PLXDC2: variants seen among roughly 807,000 people sequenced by gnomAD.
PLXDC2 encodes plexin domain-containing protein 2.
In PLXDC2, 40 loss-of-function variants were observed where a neutral mutation model predicts 68.9. The observed-to-expected ratio is 0.58, with a 90% CI of 0.45 to 0.76. The LOEUF is 0.76. PLXDC2 is among the 30% of genes least tolerant of loss of function. The probability of loss-of-function intolerance (pLI) is 0.00; values close to 1 mark genes in which losing one functional copy is unlikely to be tolerated. For synonymous variants in PLXDC2, 243 were observed against 234.2 expected, an observed-to-expected ratio of 1.04 and a Z score of -0.34; for missense variants, 644 against 661.9, an observed-to-expected ratio of 0.97 and a Z score of 0.30.
chr10:19,850,205 C>T (rs1441746688), intron 1 of PLXDC2, among the ~76,000 whole-genome samples: 1 of 151,924 alleles, frequency 6.6e-6, no homozygotes, highest in Non-Finnish European at 1.5e-5. Context: ...TGTCAATTTC[C>T]TTGTCCTGTG....
intron 1 of PLXDC2, among the ~76,000 whole-genome samples, chr10:19,835,892 C>T (rs1005041430): frequency 2.0e-5 from 3 of 152,088 alleles, no homozygotes; most frequent in Non-Finnish European, 4.4e-5. Context: ...TGGCTGGGAT[C>T]TGGGTGTGGT....
intron 2 of PLXDC2, among the ~76,000 whole-genome samples, chr10:20,024,299 A>G (rs1835361152): frequency 6.6e-6 from 1 of 152,188 alleles, no homozygotes. Flanking sequence ...TATTGGACTA[A>G]TTGGTAAGAG....
intron 2 of PLXDC2, among the ~76,000 whole-genome samples, chr10:20,025,680 T>A (rs926904240): frequency 6.6e-5 from 10 of 152,114 alleles, no homozygotes; most frequent in Admixed American, 3.3e-4. Flanking sequence ...TGTTGGCTGC[T>A]GGTATGTCTT....
rs538095833 is a variant in PLXDC2 at position 19,848,134 on chromosome 10, A to G, written c.112+30943A>G. Among the ~76,000 whole-genome samples, 338 of 152,212 alleles carry G rather than the reference A, an allele frequency of 2.2e-3. 3 individuals are homozygous for G. Among genetic ancestry groups the G allele is most frequent in the African/African-American group, 7.8e-3 (326 of 41,538 alleles). ...CAGGACTTTGAGACCCCATCTCTAT[A>G]AAATTTCTTTTTAATTAAAAAAAAG... On this transcript the variant is annotated intron_variant, in intron 1 of 13. Transcript: ENST00000377252.
At chr10:20,065,403 G>C (rs1401381992) in intron 3 of PLXDC2, among the ~76,000 whole-genome samples, 1 of 152,110 alleles carries the variant, frequency 6.6e-6, no homozygotes, top group East Asian at 1.9e-4. Context: ...GATTTCAAGT[G>C]GGGGAGTGAT....
chr10:20,008,902 C>A (rs1028454843), intron 2 of PLXDC2, among the ~76,000 whole-genome samples: 1 of 152,156 alleles, frequency 6.6e-6, no homozygotes, highest in East Asian at 1.9e-4. Flanking sequence ...CACCTTCTGC[C>A]GTGATTGTCA....
At chr10:20,108,164 AT>A (rs1474928205) in intron 4 of PLXDC2, among the ~76,000 whole-genome samples, 1 of 152,212 alleles carries the variant, frequency 6.6e-6, no homozygotes, top group Admixed American at 6.5e-5. Context: ...GCAAGGCAAC[AT>A]TAGCAGTGAC....
At chr10:20,257,481 G>A (rs890359289) in intron 13 of PLXDC2, among the ~76,000 whole-genome samples, 6 of 152,150 alleles carry the variant, frequency 3.9e-5, no homozygotes, top group East Asian at 1.9e-4. Context: ...CAACAAAGAA[G>A]TCTATAGTTC....
At chr10:20,065,604 A>G (rs1296338687) in intron 3 of PLXDC2, among the ~76,000 whole-genome samples, 1 of 152,186 alleles carries the variant, frequency 6.6e-6, no homozygotes, top group Non-Finnish European at 1.5e-5. Context: ...ACAACTCACC[A>G]TAATATAAAA....
intron 7 of PLXDC2, among the ~76,000 whole-genome samples, chr10:20,169,285 A>G (rs1373800269): frequency 6.6e-6 from 1 of 152,196 alleles, no homozygotes; most frequent in African/African-American, 2.4e-5. Flanking sequence ...TTGTTATATT[A>G]GAAATATCCC....
chr10:19,851,472 T>C (rs1280519245), intron 1 of PLXDC2, among the ~76,000 whole-genome samples: 1 of 152,104 alleles, frequency 6.6e-6, no homozygotes, highest in Non-Finnish European at 1.5e-5. Flanking sequence ...AGAAGCTGTC[T>C]TTGACGGGGC....
At chr10:20,044,074 C>A (rs145195811) in intron 2 of PLXDC2, among the ~76,000 whole-genome samples, 1 of 80,092 alleles carries the variant, frequency 1.2e-5, no homozygotes, top group Non-Finnish European at 2.8e-5. Flanking sequence ...GATAGACTTG[C>A]GCAGGGATCT....
chr10:20,143,447 C>G (rs1450028536), intron 5 of PLXDC2, 30 bp downstream of exon 5: 2 of 1,609,586 alleles, frequency 1.2e-6, no homozygotes, highest in East Asian at 4.5e-5. Flanking sequence ...TTTTTTGCTG[C>G]ATGTATATTT....
intron 9 of PLXDC2, among the ~76,000 whole-genome samples, chr10:20,189,008 GT>G (rs11349156): frequency 0.54 from 61,949 of 115,726 alleles, 21,006 homozygotes; most frequent in East Asian, 0.69. Context: ...TTTATAATCA[GT>G]TTTTTTTTTC....
intron 1 of PLXDC2, among the ~76,000 whole-genome samples, chr10:19,978,559 C>A (rs180691372): frequency 4.4e-4 from 67 of 152,254 alleles, no homozygotes; most frequent in African/African-American, 1.5e-3. Flanking sequence ...GATTTAATTT[C>A]ACCCCAGTTC....
chr10:19,883,963 T>C (rs577865924), intron 1 of PLXDC2, among the ~76,000 whole-genome samples: 3 of 142,916 alleles, frequency 2.1e-5, no homozygotes, highest in East Asian at 2.2e-4. Flanking sequence ...GCGTGATTGA[T>C]CTCGGCTCAC....
chr10:20,223,486 A>T (rs1835245023), intron 12 of PLXDC2, among the ~76,000 whole-genome samples: 1 of 151,484 alleles, frequency 6.6e-6, no homozygotes, highest in Non-Finnish European at 1.5e-5. Context: ...CTAATTTTGT[A>T]TTTTTAGTAG....
chr10:19,869,590 T>C (rs924801814), intron 1 of PLXDC2, among the ~76,000 whole-genome samples: 4 of 152,072 alleles, frequency 2.6e-5, no homozygotes, highest in Non-Finnish European at 4.4e-5. Context: ...CTTGTGAGGA[T>C]TAAATTAAAG....
intron 3 of PLXDC2, among the ~76,000 whole-genome samples, chr10:20,066,724 T>C (rs6482082): frequency 0.31 from 47,468 of 152,052 alleles, 9,295 homozygotes; most frequent in East Asian, 0.69. Context: ...TTTGAGTGAT[T>C]AATTTCATGC....
Sources: gnomAD v4.1 joint callset for allele counts (sites outside exome capture counted in the v4.1 genomes callset) on GRCh38, gnomAD v4.1.1 for gene constraint, MANE v1.5 for transcripts, NCBI Gene and HGNC (gene_info 2026-07-23, HGNC 2026-07-21) for gene names.